DGKB: variants seen among roughly 807,000 people sequenced by gnomAD.
DGKB encodes 90 kDa diacylglycerol kinase.
Under a neutral mutation model 114.3 loss-of-function variants are expected in DGKB, and 67 were observed. The observed-to-expected ratio is 0.59, with a 90% CI of 0.48 to 0.72. The LOEUF (loss-of-function observed/expected upper bound fraction) is 0.72, where lower values mean the gene tolerates loss of function less well. DGKB is among the 30% of genes least tolerant of loss of function. The probability of loss-of-function intolerance (pLI) is 0.00; values close to 1 mark genes in which losing one functional copy is unlikely to be tolerated. For synonymous variants in DGKB, 398 were observed against 323.1 expected (o/e 1.23, Z -2.49); for missense variants, 907 against 975.2 (o/e 0.93, Z 0.93).
chr7:14,808,708 C>T (rs1562591119), intron 2 of DGKB, among the ~76,000 whole-genome samples: 1 of 152,044 alleles, frequency 6.6e-6, no homozygotes, highest in Non-Finnish European at 1.5e-5. Flanking sequence ...AGAATGTTTG[C>T]TTTTAATTCA....
chr7:14,559,674 T>C (rs1796366573), intron 20 of DGKB, among the ~76,000 whole-genome samples: 1 of 152,204 alleles, frequency 6.6e-6, no homozygotes, highest in Admixed American at 6.5e-5. Context: ...ACTTGATGCA[T>C]TGAAAATAAA....
At chr7:14,442,989 A>G (rs1040226865) in intron 21 of DGKB, among the ~76,000 whole-genome samples, 34 of 152,284 alleles carry the variant, frequency 2.2e-4, no homozygotes, top group African/African-American at 7.5e-4. Flanking sequence ...TTACCTGATA[A>G]TTCTTGAAAC....
intron 16 of DGKB, among the ~76,000 whole-genome samples, chr7:14,612,490 G>T (rs1047824014): frequency 1.4e-4 from 21 of 152,026 alleles, no homozygotes; most frequent in Non-Finnish European, 3.1e-4. Flanking sequence ...ATTCAATAAT[G>T]AAAAGCATTC....
rs138394558 is a variant in DGKB at position 14,474,260 on chromosome 7, C to T, written c.1835+3901G>A. Among the ~76,000 whole-genome samples, 1,305 of 152,156 alleles carry T rather than the reference C, an allele frequency of 8.6e-3. 16 individuals carry two copies. The highest frequency in any genetic ancestry group is 0.028 in the African/African-American group (1,150 of 41,516). Reference sequence around the variant, plus strand: ...TCTCATGAGATCTGATGGTTCTACACGGGGGAGTTTCCCTGCACAAGCTCT... The same window carrying T: ...TCTCATGAGATCTGATGGTTCTACATGGGGGAGTTTCCCTGCACAAGCTCT... On this transcript the variant is annotated intron_variant, in intron 21 of 25. Coordinates refer to ENST00000402815, the MANE Select transcript of DGKB (RefSeq NM_001350709.2).
intron 2 of DGKB, among the ~76,000 whole-genome samples, chr7:14,819,509 G>T (rs1358573840): frequency 1.3e-5 from 2 of 152,148 alleles, no homozygotes; most frequent in African/African-American, 2.4e-5. Context: ...AGGATTACTT[G>T]AGCCTGGGAG....
intron 7 of DGKB, among the ~76,000 whole-genome samples, chr7:14,699,020 A>G (rs1824619940): frequency 6.6e-6 from 1 of 152,062 alleles, no homozygotes; most frequent in Non-Finnish European, 1.5e-5. Context: ...AATCTAATAT[A>G]TGTAGTCGAT....
At chr7:14,769,778 T>G (rs1586366738) in intron 2 of DGKB, among the ~76,000 whole-genome samples, 2 of 152,134 alleles carry the variant, frequency 1.3e-5, no homozygotes, top group African/African-American at 4.8e-5. Flanking sequence ...CTGCTGGAAA[T>G]CCCTGGCAAC....
chr7:14,844,260 T>C (rs1032240320), intron 1 of DGKB, among the ~76,000 whole-genome samples: 1 of 152,222 alleles, frequency 6.6e-6, no homozygotes, highest in Admixed American at 6.5e-5. Context: ...TGGTGACATG[T>C]TGGCTGCAAA....
At position 14,795,941 on chromosome 7, in the gene DGKB, A is replaced by G. The variant is rs1230156471; in HGVS notation, c.71-38210T>C. On this transcript the variant is annotated intron_variant, in intron 2 of 25. Transcript: ENST00000402815. Reference sequence around the variant, plus strand: ...AATAAACTTGTACTAATGTTATGACATGTCTTAACAGGATCTAATTTGAGG... The same window carrying G: ...AATAAACTTGTACTAATGTTATGACGTGTCTTAACAGGATCTAATTTGAGG... Among the ~76,000 whole-genome samples the G allele has an allele frequency of 5.3e-5, 8 of 152,186 alleles. No homozygotes were observed. The East Asian group carries it at 7.7e-4, about 15-fold the overall frequency.
chr7:14,890,719 T>G (rs1781073451), intron 1 of DGKB, among the ~76,000 whole-genome samples: 1 of 151,238 alleles, frequency 6.6e-6, no homozygotes, highest in South Asian at 2.1e-4. Flanking sequence ...TCTCCTCACG[T>G]GTGTGACCTC....
At chr7:14,170,392 T>G (rs182020180) in intron 25 of DGKB, among the ~76,000 whole-genome samples, 150 of 152,228 alleles carry the variant, frequency 9.9e-4, no homozygotes, top group Non-Finnish European at 1.8e-3. Context: ...ATCTTAGGGT[T>G]GCTGTGGAAA....
At chr7:14,893,338 C>T (rs1248103899) in intron 1 of DGKB, among the ~76,000 whole-genome samples, 1 of 151,448 alleles carries the variant, frequency 6.6e-6, no homozygotes, top group Admixed American at 6.6e-5. Flanking sequence ...ATTACTTTGT[C>T]ATCCTTAAAA....
intron 25 of DGKB, among the ~76,000 whole-genome samples, chr7:14,175,078 T>C (rs954868601): frequency 1.3e-5 from 2 of 152,220 alleles, no homozygotes; most frequent in African/African-American, 4.8e-5. Context: ...TAATCTGTGC[T>C]GTTTGAAATC....
chr7:14,892,072 G>C (rs1036349908), intron 1 of DGKB, among the ~76,000 whole-genome samples: 6 of 151,356 alleles, frequency 4.0e-5, no homozygotes, highest in South Asian at 2.1e-4. Context: ...TTGTATACTA[G>C]GTCTTCTTTG....
intron 5 of DGKB, among the ~76,000 whole-genome samples, chr7:14,723,567 ATATG>A (rs1433738009): frequency 6.7e-6 from 1 of 150,204 alleles, no homozygotes; most frequent in African/African-American, 2.5e-5. Context: ...GTGTGTATAT[ATATG>A]TGTGTGTGTG....
intron 2 of DGKB, among the ~76,000 whole-genome samples, chr7:14,833,798 T>C (rs1846760607): frequency 6.6e-6 from 1 of 152,114 alleles, no homozygotes; most frequent in Admixed American, 6.6e-5. Context: ...CTCTGATAAC[T>C]GCTTGGAGTT....
At chr7:14,580,356 C>T (rs73680450) in intron 19 of DGKB, among the ~76,000 whole-genome samples, 511 of 152,260 alleles carry the variant, frequency 3.4e-3, no homozygotes, top group African/African-American at 0.011. Context: ...CACTAGAAAT[C>T]AAGGTACTTT....
chr7:14,536,423 A>G (rs1271818759), intron 20 of DGKB, among the ~76,000 whole-genome samples: 5 of 152,206 alleles, frequency 3.3e-5, no homozygotes, highest in African/African-American at 9.6e-5. Flanking sequence ...TAAAATATTT[A>G]GCAAATCAAG....
At chr7:14,683,510 C>A (rs990052271) in intron 10 of DGKB, among the ~76,000 whole-genome samples, 1 of 152,018 alleles carries the variant, frequency 6.6e-6, no homozygotes, top group African/African-American at 2.4e-5. Flanking sequence ...ATATATAATA[C>A]GTGTCAGAAA....
Sources: gnomAD v4.1 joint callset for allele counts (sites outside exome capture counted in the v4.1 genomes callset) on GRCh38, gnomAD v4.1.1 for gene constraint, MANE v1.5 for transcripts, NCBI Gene and HGNC (gene_info 2026-07-23, HGNC 2026-07-21) for gene names.